FLT1: variants seen among roughly 807,000 people sequenced by gnomAD.
FLT1 encodes vascular endothelial growth factor receptor 1.
Under a neutral mutation model 156.3 loss-of-function variants are expected in FLT1, and 49 were observed. The ratio of observed to expected loss-of-function variants is 0.31; its 90% CI spans 0.25 to 0.40. The LOEUF is 0.40. FLT1 is among the 10% of genes least tolerant of loss of function. The pLI, the probability that FLT1 is intolerant of heterozygous loss-of-function variation, is 1.00. For synonymous variants in FLT1, 594 were observed against 583.8 expected, an observed-to-expected ratio of 1.02 and a Z score of -0.25; for missense variants, 1,322 against 1,637.2, an observed-to-expected ratio of 0.81 and a Z score of 3.32.
intron 13 of FLT1, chr13:28,389,590 T>C: frequency 2.8e-6 from 4 of 1,449,146 alleles, no homozygotes; most frequent in Middle Eastern, 4.8e-4. Context: ...TTATTACTGC[T>C]ATCATCTCCG....
At chr13:28,479,699 A>G (rs1020526961) in intron 1 of FLT1, among the ~76,000 whole-genome samples, 1 of 152,220 alleles carries the variant, frequency 6.6e-6, no homozygotes, top group African/African-American at 2.4e-5. Context: ...CTTCCTTACA[A>G]ATACCCATAG....
intron 6 of FLT1, among the ~76,000 whole-genome samples, chr13:28,432,483 G>C (rs564147168): frequency 2.6e-5 from 4 of 152,198 alleles, no homozygotes; most frequent in African/African-American, 4.8e-5. Flanking sequence ...GCCAAGCTGA[G>C]TAACACTGGT....
At chr13:28,408,400 G>A (rs529362863) in intron 10 of FLT1, among the ~76,000 whole-genome samples, 34 of 152,224 alleles carry the variant, frequency 2.2e-4, no homozygotes, top group African/African-American at 7.9e-4. Context: ...CACATAAAAA[G>A]GACAGATTCT....
chr13:28,358,053 T>A (rs1028373169), intron 14 of FLT1, among the ~76,000 whole-genome samples: 7 of 152,078 alleles, frequency 4.6e-5, no homozygotes, highest in Non-Finnish European at 2.9e-5. Flanking sequence ...ATAACAACTA[T>A]CATTGACTCA....
At position 28,329,643 on chromosome 13, in the gene FLT1, G is replaced by A; in HGVS notation, c.2679C>T (p.Asn893=). The A allele has an allele frequency of 6.2e-7, 1 of 1,614,112 alleles. No individual in the cohort carries two copies. The highest frequency in any genetic ancestry group is 8.5e-7 in the Non-Finnish European group (1 of 1,179,950). ...THIGHHLNVV[N]LLGACTKQGG... is the part of the protein sequence containing the mutation. The stretch of plus-strand genomic sequence containing the variant: ...CTTGCTTGGTGCAGGCTCCCAGCAG[G>A]TTAACCACGTTCAGATGGTGGCCAA... Residue 893 remains asparagine, a synonymous_variant, in exon 19 of 30, where the codon AAC becomes AAT. Coordinates refer to ENST00000282397, the MANE Select transcript of FLT1 (RefSeq NM_002019.4).
At chr13:28,372,070 ATATATATTT>A (rs1565990455) in intron 14 of FLT1, among the ~76,000 whole-genome samples, 1 of 17,246 alleles carries the variant, frequency 5.8e-5, no homozygotes, top group African/African-American at 1.5e-4. Flanking sequence ...ATATATATAT[ATATATATTT>A]TTTTTTTTTT....
rs753891609 is a variant in FLT1, at chr13:28,390,007, G to A, written c.1758C>T (p.Asp586=). ...CTGTCCGCAGTAAAATCCAAGTAAC[G>A]TCTCTGTATAAGAACTTGTTAACTG... is the stretch of plus-strand genomic sequence containing the variant. ...SCTVNKFLYR[D]VTWILLRTVN... The change falls in exon 13 of 30, where the codon GAC becomes GAT. Residue 586 remains aspartate (D), a synonymous_variant. Transcript: ENST00000282397. 8 of 1,614,024 alleles carry A rather than the reference G, an allele frequency of 5.0e-6. No individual in the cohort carries two copies. The highest frequency in any genetic ancestry group is 4.5e-5 in the East Asian group (2 of 44,896).
intron 3 of FLT1, among the ~76,000 whole-genome samples, chr13:28,460,205 C>T (rs1230897823): frequency 6.6e-6 from 1 of 152,214 alleles, no homozygotes; most frequent in Non-Finnish European, 1.5e-5. Flanking sequence ...GAGCAACAGC[C>T]ACGCCTCACA....
chr13:28,407,275 C>T lies in FLT1; in HGVS notation c.1437-1381G>A, dbSNP rs1026144553. 7.2e-5 allele frequency among the ~76,000 whole-genome samples: 11 copies of T among 152,056 alleles called. No homozygotes were observed. The South Asian group carries it at 1.0e-3, about 14-fold the overall frequency. On this transcript the variant is annotated intron_variant, in intron 10 of 29. Transcript: ENST00000282397. ...AATTGTTTATTATTATCAAACACAC[C>T]GATAAGTAGAGAGAATAGTGTGATA...
In FLT1 at chr13:28,322,975, G is replaced by A. The variant is rs2138832413; in HGVS notation, c.2797-29C>T. ...TGAAGAGACCGAAAAGGACCCAGGT[G>A]AAAAGGAGCTCCAGCACAGCAGTGG... On this transcript the variant is annotated intron_variant, in intron 20 of 29. Transcript: ENST00000282397. This position sits in a 1 kb window ranked among gnomAD's most constrained non-coding sequence, Gnocchi z 4.3. The A allele has an allele frequency of 6.2e-7, 1 of 1,613,714 alleles. No homozygotes were observed. Among genetic ancestry groups the A allele is most frequent in the Non-Finnish European group, 8.5e-7 (1 of 1,179,662 alleles).
chr13:28,485,305 C>A (rs1225183124), intron 1 of FLT1, among the ~76,000 whole-genome samples: 1 of 152,072 alleles, frequency 6.6e-6, no homozygotes, highest in African/African-American at 2.4e-5. Context: ...TGCAGAGCTG[C>A]CTGCACTCAG....
intron 1 of FLT1, among the ~76,000 whole-genome samples, chr13:28,468,257 C>T (rs1879959459): frequency 6.6e-6 from 1 of 152,150 alleles, no homozygotes; most frequent in Non-Finnish European, 1.5e-5. Context: ...GTTCCCTCTA[C>T]AATGGTACAG....
intron 15 of FLT1, among the ~76,000 whole-genome samples, chr13:28,350,973 C>T (rs1332882013): frequency 4.7e-5 from 7 of 147,662 alleles, no homozygotes; most frequent in East Asian, 2.0e-4. Flanking sequence ...CCTCTCCCAC[C>T]GTCTCTCTGT....
At chr13:28,410,109 G>A (rs1211061156) in intron 10 of FLT1, among the ~76,000 whole-genome samples, 1 of 152,110 alleles carries the variant, frequency 6.6e-6, no homozygotes, top group East Asian at 1.9e-4. Flanking sequence ...CACACCCAAA[G>A]GTACCCCTTT....
intron 3 of FLT1, among the ~76,000 whole-genome samples, chr13:28,465,715 C>G (rs752725812): frequency 2.0e-5 from 3 of 152,056 alleles, no homozygotes; most frequent in African/African-American, 7.2e-5. Flanking sequence ...TGGTGGCAGA[C>G]GCCTGTAATC....
At chr13:28,332,433 C>T (rs1397973345) in intron 18 of FLT1, among the ~76,000 whole-genome samples, 2 of 152,014 alleles carry the variant, frequency 1.3e-5, no homozygotes, top group Non-Finnish European at 2.9e-5. Context: ...TGGCAGCAAG[C>T]AGAGAAACGG....
At chr13:28,384,796 A>G (rs905357961) in intron 14 of FLT1, 89 bp downstream of exon 14, 3 of 1,247,324 alleles carry the variant, frequency 2.4e-6, no homozygotes, top group Non-Finnish European at 3.5e-6. Flanking sequence ...AGGTCTATAC[A>G]TACTGGAAGC....
intron 4 of FLT1, among the ~76,000 whole-genome samples, 173 bp from the exon 5 acceptor site, chr13:28,434,393 G>A (rs1336566189): frequency 2.0e-5 from 3 of 152,140 alleles, no homozygotes; most frequent in Non-Finnish European, 4.4e-5. Flanking sequence ...ATTGGTTCTT[G>A]AGTTTTTTTG....
chr13:28,433,726 G>T, intron 6 of FLT1, 93 bp downstream of exon 6: 3 of 1,217,772 alleles, frequency 2.5e-6, no homozygotes, highest in Non-Finnish European at 3.7e-6. Context: ...CAGGAGTCAG[G>T]ATTTTCTGAT....
Sources: gnomAD v4.1 joint callset for allele counts (sites outside exome capture counted in the v4.1 genomes callset) on GRCh38, gnomAD v4.1.1 for gene constraint, Gnocchi (gnomAD v3.1) non-coding constraint, MANE v1.5 for transcripts, NCBI Gene and HGNC (gene_info 2026-07-23, HGNC 2026-07-21) for gene names.